WDR89: variants seen among roughly 807,000 people sequenced by gnomAD.
The protein encoded by WDR89 is WD repeat domain 89.
WDR89 carries 17 observed loss-of-function variants against 29.1 expected under a neutral mutation model. The observed-to-expected ratio is 0.58, with a 90% CI of 0.40 to 0.88. The LOEUF (loss-of-function observed/expected upper bound fraction) is 0.88, where lower values mean the gene tolerates loss of function less well. Among genes scored for constraint, WDR89 ranks in the 40% least tolerant of loss-of-function variants. The probability of loss-of-function intolerance (pLI) is 0.00; values close to 1 mark genes in which losing one functional copy is unlikely to be tolerated. For synonymous variants in WDR89, 138 were observed against 157.8 expected (o/e 0.87, Z 0.94); for missense variants, 396 against 456.3 (o/e 0.87, Z 1.20).
At position 63,599,276 on chromosome 14, in the gene WDR89, C is replaced by A; in HGVS notation, c.667G>T (p.Gly223Cys). The A allele has an allele frequency of 2.5e-6, 4 of 1,613,348 alleles. No individual in the cohort carries two copies. The highest frequency in any genetic ancestry group is 3.4e-6 in the Non-Finnish European group (4 of 1,179,600). The change falls in exon 3 of 3, where the codon GGT becomes TGT. Residue 223 changes from glycine (G) to cysteine (C), a missense_variant. Transcript: ENST00000620954. The stretch of plus-strand genomic sequence containing the variant: ...TGTTTATAACCTTTCCCAGACCAAC[C>A]AATACAGCTTACTGATGAAATTGAG... ...CNSISSVSCI[G>C]WSGKGYKQIY...
Position 63,627,650 on chromosome 14 carries a change from G to T in WDR89, c.-137-2617C>A, listed in dbSNP as rs560284339. Among the ~76,000 whole-genome samples, 6 of 152,236 alleles carry T rather than the reference G, an allele frequency of 3.9e-5. No individual in the cohort carries two copies. In the East Asian group the frequency reaches 1.2e-3, roughly 29 times the overall value. ...TTTTGCCTTTTCCAGAATGTCAAAT[G>T]GTTAGAATCATAAAGCAAGTGGCTT... On this transcript the variant is annotated intron_variant, in intron 1 of 2. Transcript: ENST00000620954.
Position 63,605,143 on chromosome 14 carries a change from G to T in WDR89, c.-31-5170C>A, listed in dbSNP as rs190532053. The stretch of plus-strand genomic sequence containing the variant: ...CAGCCTCGGCGACAGAGCAAGACAC[G>T]TGCTGTCTGTCTCTCTCTCTCTCTA... On this transcript the variant is annotated intron_variant, in intron 2 of 2. Coordinates refer to ENST00000620954, the MANE Select transcript of WDR89 (RefSeq NM_080666.4). Among the ~76,000 whole-genome samples, 241 of 150,788 alleles carry T rather than the reference G, an allele frequency of 1.6e-3. 1 individual carries two copies. The highest frequency in any genetic ancestry group is 5.7e-3 in the African/African-American group (231 of 40,766).
chr14:63,623,327 A>G (rs1465466534), intron 2 of WDR89, among the ~76,000 whole-genome samples: 3 of 152,118 alleles, frequency 2.0e-5, no homozygotes, highest in Non-Finnish European at 4.4e-5. Context: ...CCCAATCAAA[A>G]AGAAAAAGAT....
At chr14:63,607,409 C>T (rs751142133) in intron 2 of WDR89, among the ~76,000 whole-genome samples, 4 of 151,948 alleles carry the variant, frequency 2.6e-5, no homozygotes, top group African/African-American at 4.8e-5. Flanking sequence ...GTGATCTGTC[C>T]GCCTCCGCCT....
At chr14:63,620,308 T>C (rs1416981274) in intron 2 of WDR89, among the ~76,000 whole-genome samples, 2 of 152,150 alleles carry the variant, frequency 1.3e-5, no homozygotes, top group East Asian at 1.9e-4. Flanking sequence ...TTGCAGGACA[T>C]TATATTATAA....
At chr14:63,600,560 T>C (rs1334719685) in intron 2 of WDR89, among the ~76,000 whole-genome samples, 3 of 151,376 alleles carry the variant, frequency 2.0e-5, no homozygotes, top group Non-Finnish European at 4.4e-5. Flanking sequence ...ATAAAAAACA[T>C]GTACATACGC....
chr14:63,635,112 T>C (rs1298091038), intron 1 of WDR89, among the ~76,000 whole-genome samples: 1 of 151,874 alleles, frequency 6.6e-6, no homozygotes, highest in East Asian at 1.9e-4. Context: ...AAAGGAACTC[T>C]CCCTAATTCA....
intron 1 of WDR89, among the ~76,000 whole-genome samples, chr14:63,637,065 A>G (rs1158123534): frequency 7.9e-6 from 1 of 126,724 alleles, no homozygotes; most frequent in East Asian, 2.1e-4. Flanking sequence ...AATCAGTAAG[A>G]AAAAAAACAA....
chr14:63,599,393 T>G lies in WDR89; in HGVS notation c.550A>C (p.Asn184His). The G allele has an allele frequency of 1.2e-6, 2 of 1,614,212 alleles. No individual in the cohort carries two copies. Among genetic ancestry groups the G allele is most frequent in the South Asian group, 1.1e-5 (1 of 91,088 alleles). Residue 184 changes from asparagine to histidine, a missense_variant, in exon 3 of 3, where the codon AAC (asparagine) becomes CAC (histidine). Asn to His is a moderately conservative substitution (Grantham distance 68, BLOSUM62 1). Coordinates refer to ENST00000620954, the MANE Select transcript of WDR89 (RefSeq NM_080666.4). ...TCAGATGAACCTGAGACTACCATGT[T>G]GGGATTGCTGGGATGGAAACGTACT... is the stretch of plus-strand genomic sequence containing the variant. Reference protein sequence around the residue: ...TQVRFHPSNPNMVVSGSSDGL... With the variant: ...TQVRFHPSNPHMVVSGSSDGL...
intron 2 of WDR89, among the ~76,000 whole-genome samples, chr14:63,608,914 A>C (rs1211333028): frequency 6.6e-6 from 1 of 152,206 alleles, no homozygotes; most frequent in Non-Finnish European, 1.5e-5. Flanking sequence ...CATCCTGGCC[A>C]ACATGGTGAA....
chr14:63,598,067 G>C lies in WDR89; in HGVS notation c.*712C>G, dbSNP rs749880150. 4 of 152,142 alleles carry C rather than the reference G, an allele frequency of 2.6e-5. No homozygotes were observed. Among genetic ancestry groups the C allele is most frequent in the Non-Finnish European group, 5.9e-5 (4 of 68,024 alleles). 9.4% of individuals were successfully genotyped at this position (152,142 alleles called of 1,614,324 possible). A position where few individuals can be genotyped will look rare whatever the true frequency, so the allele number is the denominator to read the frequency against. ...AGGTTATCCTCAGATTTATGGTTTG[G>C]ACAACAGGAAGAATAGCAATTTCTC... On this transcript the variant is annotated 3_prime_UTR_variant, in exon 3 of 3. Coordinates refer to ENST00000620954, the MANE Select transcript of WDR89 (RefSeq NM_080666.4).
Position 63,598,635 on chromosome 14 carries a change from A to T in WDR89, c.*144T>A. ...TTTAGAATATGTGAAGACCGGAATTAAACCATTCTCACCATATTTTTCCAG... is the reference window on the plus strand; with the variant it reads ...TTTAGAATATGTGAAGACCGGAATTTAACCATTCTCACCATATTTTTCCAG... On this transcript the variant is annotated 3_prime_UTR_variant, in exon 3 of 3. Transcript: ENST00000620954. 4.4e-6 allele frequency: 3 copies of T among 684,378 alleles called. No individual in the cohort carries two copies. Among genetic ancestry groups the T allele is most frequent in the South Asian group, 4.1e-5 (1 of 24,114 alleles). 42.4% of individuals were successfully genotyped at this position (684,378 alleles called of 1,614,324 possible). A position where few individuals can be genotyped will look rare whatever the true frequency, so the allele number is the denominator to read the frequency against.
At chr14:63,628,676 G>A (rs1348852122) in intron 1 of WDR89, among the ~76,000 whole-genome samples, 1 of 152,074 alleles carries the variant, frequency 6.6e-6, no homozygotes, top group Admixed American at 6.6e-5. Context: ...AATAATAAAG[G>A]CCACTGGCCG....
intron 2 of WDR89, chr14:63,618,147 AG>A (rs1882438076): frequency 6.6e-6 from 1 of 152,074 alleles, no homozygotes; most frequent in Non-Finnish European, 1.5e-5. Context: ...ATATTTTTAG[AG>A]GGGTGTGTGT....
chr14:63,623,494 A>C (rs1882837662), intron 2 of WDR89, among the ~76,000 whole-genome samples: 1 of 151,896 alleles, frequency 6.6e-6, no homozygotes, highest in Non-Finnish European at 1.5e-5. Flanking sequence ...ACTTGAGGTC[A>C]GGAGTCCAAG....
intron 2 of WDR89, among the ~76,000 whole-genome samples, chr14:63,607,464 G>T (rs1397284220): frequency 6.6e-6 from 1 of 152,106 alleles, no homozygotes; most frequent in Admixed American, 6.6e-5. Context: ...TTTTATTATG[G>T]AATGTGCATG....
At chr14:63,613,841 T>TTTTG (rs1882142234) in intron 2 of WDR89, among the ~76,000 whole-genome samples, 1 of 147,630 alleles carries the variant, frequency 6.8e-6, no homozygotes, top group Non-Finnish European at 1.5e-5. Context: ...TTTTTTTTTT[T>TTTTG]TTAATACAAA....
intron 2 of WDR89, among the ~76,000 whole-genome samples, chr14:63,618,633 A>T (rs751950211): frequency 7.9e-5 from 12 of 152,210 alleles, no homozygotes; most frequent in Non-Finnish European, 1.5e-4. Context: ...TGATCAATCA[A>T]TCTAAGTCAA....
intron 1 of WDR89, among the ~76,000 whole-genome samples, chr14:63,632,522 A>T (rs1883473648): frequency 6.6e-6 from 1 of 152,090 alleles, no homozygotes; most frequent in African/African-American, 2.4e-5. Context: ...AGTCTCAGCT[A>T]CTAGGGAGGC....
Sources: gnomAD v4.1 joint callset for allele counts (sites outside exome capture counted in the v4.1 genomes callset) on GRCh38, gnomAD v4.1.1 for gene constraint, MANE v1.5 for transcripts, NCBI Gene and HGNC (gene_info 2026-07-23, HGNC 2026-07-21) for gene names.